The following DCDC1 variants were observed in gnomAD, a reference collection of about 807,000 sequenced individuals.
DCDC1 encodes the protein doublecortin domain-containing protein 1.
In DCDC1, 200 loss-of-function variants were observed where a neutral mutation model predicts 178.3. The observed-to-expected ratio is 1.12, with a 90% CI of 1.00 to 1.26. The LOEUF (loss-of-function observed/expected upper bound fraction) is 1.26, where lower values mean the gene tolerates loss of function less well. Ranked by LOEUF, DCDC1 falls within the 50% of genes most tolerant of loss-of-function variation. The pLI is 0.00. For synonymous variants in DCDC1, 690 were observed against 604.8 expected (o/e 1.14, Z -2.07); for missense variants, 1,983 against 1,749.2 (o/e 1.13, Z -2.38).
chr11:31,007,066 A>T (rs1262018744), intron 20 of DCDC1, among the ~76,000 whole-genome samples: 1 of 152,212 alleles, frequency 6.6e-6, no homozygotes, highest in Non-Finnish European at 1.5e-5. Flanking sequence ...CTCATGGGTA[A>T]CTCAGTAAGG....
intron 7 of DCDC1, among the ~76,000 whole-genome samples, chr11:31,266,594 C>T (rs192177891): frequency 3.1e-4 from 47 of 152,244 alleles, no homozygotes; most frequent in Non-Finnish European, 6.2e-4. Context: ...TTTCCCATAA[C>T]CAAGAACTAC....
rs114102471 is a variant in DCDC1 at position 30,948,234 on chromosome 11, T to C, written c.2715+4211A>G. On this transcript the variant is annotated intron_variant, in intron 21 of 38. Coordinates refer to ENST00000684477, the MANE Select transcript of DCDC1 (RefSeq NM_001387274.1). ...AATAGACAAGCAGAGAGCCAAATAA[T>C]GCGTGAACTCCCATTCATAATTGCT... 3.9e-3 allele frequency among the ~76,000 whole-genome samples: 588 copies of C among 152,162 alleles called. 2 individuals are homozygous for C. The highest frequency in any genetic ancestry group is 0.014 in the African/African-American group (570 of 41,522).
intron 15 of DCDC1, among the ~76,000 whole-genome samples, chr11:31,101,640 A>T (rs537307070): frequency 1.3e-5 from 2 of 152,240 alleles, no homozygotes; most frequent in Non-Finnish European, 2.9e-5. Context: ...ATCAGGTATA[A>T]GTTTTTCAAG....
intron 9 of DCDC1, among the ~76,000 whole-genome samples, chr11:31,199,396 C>G (rs536829856): frequency 6.6e-6 from 1 of 152,166 alleles, no homozygotes; most frequent in South Asian, 2.1e-4. Context: ...ACTTAAGAAT[C>G]CTGGCCAAAA....
At chr11:31,357,070 C>A (rs993886700) in intron 1 of DCDC1, among the ~76,000 whole-genome samples, 9 of 151,930 alleles carry the variant, frequency 5.9e-5, no homozygotes, top group African/African-American at 9.7e-5. Context: ...AGAGGGAATC[C>A]TCCCTAACTC....
intron 12 of DCDC1, among the ~76,000 whole-genome samples, chr11:31,108,660 T>C (rs977069143): frequency 1.3e-5 from 2 of 152,174 alleles, no homozygotes; most frequent in Non-Finnish European, 2.9e-5. Flanking sequence ...CTTAACCAAA[T>C]TCACTTTCAC....
intron 38 of DCDC1, among the ~76,000 whole-genome samples, chr11:30,866,251 C>A (rs1464045144): frequency 6.6e-6 from 1 of 152,130 alleles, no homozygotes; most frequent in Non-Finnish European, 1.5e-5. Flanking sequence ...ATAACATAGA[C>A]TGGGTAGCTT....
At chr11:30,993,285 T>G (rs556599307) in intron 20 of DCDC1, among the ~76,000 whole-genome samples, 3 of 152,134 alleles carry the variant, frequency 2.0e-5, no homozygotes, top group African/African-American at 7.2e-5. Context: ...TAAATGAAAG[T>G]GAAAATACAA....
intron 8 of DCDC1, among the ~76,000 whole-genome samples, chr11:31,252,683 G>A (rs954411842): frequency 2.6e-5 from 4 of 151,952 alleles, no homozygotes; most frequent in African/African-American, 9.7e-5. Context: ...TAGTTGAAGA[G>A]GCTAGGGATA....
chr11:30,876,592 T>C (rs919207775), intron 38 of DCDC1, among the ~76,000 whole-genome samples: 5 of 152,206 alleles, frequency 3.3e-5, no homozygotes, highest in South Asian at 2.1e-4. Flanking sequence ...TTTTGCCTTA[T>C]GTCTCCTGAT....
chr11:31,237,347 T>A lies in DCDC1; in HGVS notation c.1221+4103A>T, dbSNP rs577115317. 1.1e-4 allele frequency among the ~76,000 whole-genome samples: 16 copies of A among 151,936 alleles called. No individual in the cohort carries two copies. The South Asian group carries it at 2.7e-3, about 26-fold the overall frequency. The stretch of plus-strand genomic sequence containing the variant: ...CTCATCAAATAATATGCCCACAAAA[T>A]AAATCTGCAATATTGTTACAATTTA... On this transcript the variant is annotated intron_variant, in intron 9 of 38. Transcript: ENST00000684477.
chr11:31,159,221 T>G (rs1966062878), intron 9 of DCDC1, among the ~76,000 whole-genome samples: 1 of 152,172 alleles, frequency 6.6e-6, no homozygotes, highest in African/African-American at 2.4e-5. Flanking sequence ...ACATCACACA[T>G]TCCAGAAACA....
At chr11:30,924,304 T>A (rs1263504556) in intron 23 of DCDC1, among the ~76,000 whole-genome samples, 1 of 152,100 alleles carries the variant, frequency 6.6e-6, no homozygotes, top group Non-Finnish European at 1.5e-5. Flanking sequence ...AACAACAGAC[T>A]CTCCACCCTG....
chr11:30,901,997 G>A (rs1944711360), intron 32 of DCDC1, among the ~76,000 whole-genome samples: 1 of 151,792 alleles, frequency 6.6e-6, no homozygotes, highest in South Asian at 2.1e-4. Context: ...ATATTTATGA[G>A]GACCAAATGA....
At chr11:31,174,368 C>A (rs1591307840) in intron 9 of DCDC1, among the ~76,000 whole-genome samples, 1 of 151,306 alleles carries the variant, frequency 6.6e-6, no homozygotes, top group South Asian at 2.1e-4. Flanking sequence ...ACATGCCAGC[C>A]CCCTGCCACC....
At chr11:30,957,089 C>T (rs1590538841) in intron 20 of DCDC1, among the ~76,000 whole-genome samples, 1 of 152,142 alleles carries the variant, frequency 6.6e-6, no homozygotes, top group African/African-American at 2.4e-5. Context: ...TCCACTATAG[C>T]GGAGCTGTCT....
chr11:31,171,974 G>A (rs1372422153), intron 9 of DCDC1, among the ~76,000 whole-genome samples: 1 of 152,090 alleles, frequency 6.6e-6, no homozygotes. Flanking sequence ...ATTCTTCTGT[G>A]AGAAATTCAT....
intron 9 of DCDC1, among the ~76,000 whole-genome samples, chr11:31,188,357 A>G (rs1969756154): frequency 6.6e-6 from 1 of 152,182 alleles, no homozygotes; most frequent in East Asian, 1.9e-4. Context: ...TCATTCATTC[A>G]TTCAAAAAAA....
chr11:31,223,832 T>C (rs1974573747), intron 9 of DCDC1, among the ~76,000 whole-genome samples: 1 of 152,088 alleles, frequency 6.6e-6, no homozygotes, highest in Non-Finnish European at 1.5e-5. Context: ...TATGAACGTA[T>C]ATGCTTTAAT....
Sources: allele counts gnomAD v4.1 joint callset (sites outside exome capture counted in the v4.1 genomes callset), GRCh38; gene constraint gnomAD v4.1.1; transcripts MANE v1.5; gene names NCBI Gene and HGNC (gene_info 2026-07-23, HGNC 2026-07-21).